Variants in LYPD6 observed in about 807,000 individuals in gnomAD.
The protein encoded by LYPD6 is ly6/PLAUR domain-containing protein 6.
LYPD6 carries 15 observed loss-of-function variants against 22.7 expected under a neutral mutation model. The observed-to-expected ratio is 0.66, with a 90% CI of 0.44 to 1.02. The LOEUF (loss-of-function observed/expected upper bound fraction) is 1.02. LYPD6 is among the 50% of genes least tolerant of loss of function. LYPD6 has a pLI of 0.00. For synonymous variants in LYPD6, 72 were observed against 77.5 expected, an observed-to-expected ratio of 0.93 and a Z score of 0.37; for missense variants, 189 against 208.4, an observed-to-expected ratio of 0.91 and a Z score of 0.57.
chr2:149,365,736 C>T (rs1573744172), intron 1 of LYPD6, among the ~76,000 whole-genome samples: 1 of 151,992 alleles, frequency 6.6e-6, no homozygotes, highest in East Asian at 1.9e-4. Context: ...TGATCTTAGC[C>T]AAAAGGCTGA....
chr2:149,354,773 A>C (rs75098465), intron 1 of LYPD6, among the ~76,000 whole-genome samples: 7,051 of 152,290 alleles, frequency 0.046, 542 homozygotes, highest in African/African-American at 0.16. Context: ...TCAAGCTTGA[A>C]TAGAAGTTCA....
chr2:149,355,774 A>G (rs1681437686), intron 1 of LYPD6, among the ~76,000 whole-genome samples: 1 of 152,058 alleles, frequency 6.6e-6, no homozygotes, highest in Non-Finnish European at 1.5e-5. Context: ...TTTTCTTATC[A>G]AGTATGTAGA....
chr2:149,423,655 A>G (rs1683129512), intron 1 of LYPD6, among the ~76,000 whole-genome samples: 1 of 151,390 alleles, frequency 6.6e-6, no homozygotes, highest in African/African-American at 2.4e-5. Flanking sequence ...CTATGCCTCA[A>G]TTCCTTCATG....
rs898822020 is a variant in LYPD6, at chr2:149,472,203, C to G, written c.*1353C>G. 1 of 152,128 alleles carries G rather than the reference C, an allele frequency of 6.6e-6. No individual in the cohort carries two copies. Among genetic ancestry groups the G allele is most frequent in the Non-Finnish European group, 1.5e-5 (1 of 68,026 alleles). 9.4% of individuals were successfully genotyped at this position (152,128 alleles called of 1,614,324 possible). A position where few individuals can be genotyped will look rare whatever the true frequency, so the allele number is the denominator to read the frequency against. On this transcript the variant is annotated 3_prime_UTR_variant, in exon 5 of 5. Coordinates refer to ENST00000334166, the MANE Select transcript of LYPD6 (RefSeq NM_194317.5). ...TCAAATTAGAATACATATTTTTCAA[C>G]AGTGGTAGAGCTTTTAATATATGTT... is the stretch of plus-strand genomic sequence containing the variant.
intron 3 of LYPD6, among the ~76,000 whole-genome samples, chr2:149,467,763 G>T (rs993643806): frequency 3.3e-5 from 5 of 152,162 alleles, no homozygotes; most frequent in African/African-American, 1.2e-4. Context: ...AGTAGAGCAA[G>T]AACATTCTCC....
the LYPD6 span, among the ~76,000 whole-genome samples, chr2:149,483,573 T>C: frequency 4.6e-5 from 7 of 152,300 alleles, no homozygotes; most frequent in East Asian, 1.2e-3. Context: ...TGACTGTAAA[T>C]AAATGCAATT....
At chr2:149,453,276 A>G (rs1389054185) in intron 3 of LYPD6, among the ~76,000 whole-genome samples, 1 of 152,224 alleles carries the variant, frequency 6.6e-6, no homozygotes, top group Non-Finnish European at 1.5e-5. Flanking sequence ...ACGTTTGCCC[A>G]TGACTTTTCT....
intron 1 of LYPD6, among the ~76,000 whole-genome samples, chr2:149,365,665 A>G (rs192037266): frequency 8.2e-4 from 125 of 152,188 alleles, no homozygotes; most frequent in Middle Eastern, 3.4e-3. Context: ...ATTTAATTTA[A>G]TTTACATTCT....
At chr2:149,367,030 A>C (rs1395897430) in intron 1 of LYPD6, among the ~76,000 whole-genome samples, 1 of 151,886 alleles carries the variant, frequency 6.6e-6, no homozygotes, top group Non-Finnish European at 1.5e-5. Context: ...TGAAAAACAA[A>C]AGTTTTTTTT....
chr2:149,382,257 G>T (rs1682082515), intron 1 of LYPD6, among the ~76,000 whole-genome samples: 1 of 152,086 alleles, frequency 6.6e-6, no homozygotes. Context: ...CATAAATAAG[G>T]TTGAGGAATA....
chr2:149,411,145 C>T (rs575310123), intron 1 of LYPD6, among the ~76,000 whole-genome samples: 1 of 152,282 alleles, frequency 6.6e-6, no homozygotes, highest in African/African-American at 2.4e-5. Context: ...ATTCCACAGA[C>T]CTAATGACTC....
At chr2:149,475,531 T>G (rs1319797729), downstream of LYPD6, among the ~76,000 whole-genome samples, 1 of 152,224 alleles carries the variant, frequency 6.6e-6, no homozygotes, top group African/African-American at 2.4e-5. Flanking sequence ...CTTTCAGCAG[T>G]TACTCTGTCT....
the LYPD6 span, among the ~76,000 whole-genome samples, chr2:149,485,480 G>C: frequency 6.6e-6 from 1 of 152,180 alleles, no homozygotes; most frequent in South Asian, 2.1e-4. Flanking sequence ...TTGCCATGTT[G>C]CATTGCTGGT....
At chr2:149,414,716 T>G (rs1442041349) in intron 1 of LYPD6, among the ~76,000 whole-genome samples, 3 of 152,218 alleles carry the variant, frequency 2.0e-5, no homozygotes, top group Non-Finnish European at 4.4e-5. Flanking sequence ...GAAGTTAATA[T>G]ATTCTGTAGT....
chr2:149,455,555 G>A (rs1327296280), intron 3 of LYPD6, among the ~76,000 whole-genome samples: 4 of 152,080 alleles, frequency 2.6e-5, no homozygotes, highest in Non-Finnish European at 5.9e-5. Context: ...ACCACGCCTG[G>A]CCTCCAGCAA....
intron 1 of LYPD6, among the ~76,000 whole-genome samples, chr2:149,390,360 T>A (rs1397811759): frequency 6.6e-6 from 1 of 152,220 alleles, no homozygotes; most frequent in African/African-American, 2.4e-5. Context: ...CCCTCCTACA[T>A]GCTGTAGCTG....
In LYPD6 at chr2:149,365,554, G is replaced by A. The variant is rs575756492; in HGVS notation, c.-72+34832G>A. On this transcript the variant is annotated intron_variant, in intron 1 of 4. Transcript: ENST00000334166. ...TTTTTTCAGTGTCTGCATTTCTTAC[G>A]CTTATTTTCTTCTCTGTGTGCTCAT... Among the ~76,000 whole-genome samples, 6 of 151,726 alleles carry A rather than the reference G, an allele frequency of 4.0e-5. No individual in the cohort carries two copies. The South Asian group carries it at 8.3e-4, about 21-fold the overall frequency.
intron 1 of LYPD6, among the ~76,000 whole-genome samples, chr2:149,404,392 A>G (rs1453966071): frequency 1.3e-5 from 2 of 152,038 alleles, no homozygotes; most frequent in Non-Finnish European, 2.9e-5. Context: ...ATTTGTTTGT[A>G]TCCTCTTTTA....
At chr2:149,398,878 A>G (rs1006209235) in intron 1 of LYPD6, among the ~76,000 whole-genome samples, 2 of 152,248 alleles carry the variant, frequency 1.3e-5, no homozygotes, top group African/African-American at 4.8e-5. Flanking sequence ...GAAGTTTTCT[A>G]GAATTTAAAC....
Sources: gnomAD v4.1 joint callset for allele counts (sites outside exome capture counted in the v4.1 genomes callset) on GRCh38, gnomAD v4.1.1 for gene constraint, MANE v1.5 for transcripts, NCBI Gene and HGNC (gene_info 2026-07-23, HGNC 2026-07-21) for gene names.